DIAPH3: variants seen among roughly 807,000 people sequenced by gnomAD.
DIAPH3 encodes the protein protein diaphanous homolog 3.
In DIAPH3, 117 loss-of-function variants were observed where a neutral mutation model predicts 144.3. That is an observed-to-expected ratio of 0.81 (90% CI 0.70 to 0.95). The LOEUF is 0.95. Ranked by LOEUF, DIAPH3 falls within the 40% of genes least tolerant of loss-of-function variation. The pLI, the probability that DIAPH3 is intolerant of heterozygous loss-of-function variation, is 0.00. For synonymous variants in DIAPH3, 519 were observed against 488.9 expected, an observed-to-expected ratio of 1.06 and a Z score of -0.81; for missense variants, 1,421 against 1,412.7, an observed-to-expected ratio of 1.01 and a Z score of -0.09.
Position 59,850,112 on chromosome 13 carries a change from C to G in DIAPH3, c.2738-10664G>C, listed in dbSNP as rs1408947197. ...ATGGGAGTTCACTCATGATTTGGCT[C>G]TCTGTTTGTCTGTTGTTGGTGTATA... On this transcript the variant is annotated intron_variant, in intron 22 of 27. Transcript: ENST00000400324. 2.0e-5 allele frequency among the ~76,000 whole-genome samples: 3 copies of G among 151,476 alleles called. No individual in the cohort carries two copies. The East Asian group carries it at 5.8e-4, about 30-fold the overall frequency.
intron 5 of DIAPH3, among the ~76,000 whole-genome samples, chr13:60,019,253 T>G (rs1316654500): frequency 1.3e-5 from 2 of 152,184 alleles, no homozygotes; most frequent in Non-Finnish European, 2.9e-5. Context: ...AATGATTAAT[T>G]TCCACGAACT....
chr13:59,895,535 A>G (rs1350817121), intron 20 of DIAPH3, among the ~76,000 whole-genome samples: 1 of 152,172 alleles, frequency 6.6e-6, no homozygotes, highest in Non-Finnish European at 1.5e-5. Flanking sequence ...ATACAAAATA[A>G]AAATATAAGA....
chr13:59,678,843 G>C (rs551414086), intron 27 of DIAPH3, among the ~76,000 whole-genome samples: 17 of 152,210 alleles, frequency 1.1e-4, no homozygotes, highest in African/African-American at 4.1e-4. Flanking sequence ...TATGACATGA[G>C]TTAATATAGC....
intron 27 of DIAPH3, among the ~76,000 whole-genome samples, chr13:59,673,812 T>C (rs747455494): frequency 1.3e-5 from 2 of 152,220 alleles, no homozygotes; most frequent in African/African-American, 4.8e-5. Flanking sequence ...GGTAATCCTC[T>C]GTGCATCCTT....
intron 27 of DIAPH3, among the ~76,000 whole-genome samples, chr13:59,708,529 C>T (rs960351153): frequency 6.6e-6 from 1 of 152,302 alleles, no homozygotes; most frequent in Non-Finnish European, 1.5e-5. Context: ...ACAGTTGTCA[C>T]TCTCTGCTAC....
intron 22 of DIAPH3, among the ~76,000 whole-genome samples, chr13:59,845,479 A>C (rs184962311): frequency 6.6e-6 from 1 of 152,168 alleles, no homozygotes; most frequent in Non-Finnish European, 1.5e-5. Flanking sequence ...TTTCCTGTTC[A>C]ATGCATGTCA....
At chr13:59,746,649 T>A (rs936696656) in intron 27 of DIAPH3, among the ~76,000 whole-genome samples, 1 of 152,198 alleles carries the variant, frequency 6.6e-6, no homozygotes, top group Non-Finnish European at 1.5e-5. Context: ...ATCAGAGACA[T>A]TTCAGCTACA....
Position 59,665,712 on chromosome 13 carries a change from T to C in DIAPH3, c.*872A>G, listed in dbSNP as rs949072301. 6.5e-6 allele frequency: 1 copy of C among 152,688 alleles called. No individual in the cohort carries two copies. Among genetic ancestry groups the C allele is most frequent in the Non-Finnish European group, 1.5e-5 (1 of 68,038 alleles). 9.5% of individuals were successfully genotyped at this position (152,688 alleles called of 1,614,324 possible). A position where few individuals can be genotyped will look rare whatever the true frequency, so the allele number is the denominator to read the frequency against. On this transcript the variant is annotated 3_prime_UTR_variant, in exon 28 of 28. Transcript: ENST00000400324. ...TCCTTGAAACACTTATTTAGATCTT[T>C]GTTAAAGTTATTGATTGTCAGATCA...
At chr13:59,753,900 A>T (rs1252400316) in intron 27 of DIAPH3, among the ~76,000 whole-genome samples, 1 of 152,196 alleles carries the variant, frequency 6.6e-6, no homozygotes, top group African/African-American at 2.4e-5. Context: ...TTTTAAGTAA[A>T]TCAAAGAACA....
At chr13:59,985,880 T>A (rs1443101271) in intron 12 of DIAPH3, among the ~76,000 whole-genome samples, 1 of 37,450 alleles carries the variant, frequency 2.7e-5, no homozygotes, top group Non-Finnish European at 5.0e-5. Context: ...ATCAATATCG[T>A]GAAAATGGCC....
chr13:59,731,988 G>A (rs2035911907), intron 27 of DIAPH3, among the ~76,000 whole-genome samples: 1 of 152,108 alleles, frequency 6.6e-6, no homozygotes, highest in South Asian at 2.1e-4. Flanking sequence ...GCTAAACTAT[G>A]CTGAATCTTT....
chr13:60,142,115 C>T (rs551886248), intron 1 of DIAPH3, among the ~76,000 whole-genome samples: 4 of 152,290 alleles, frequency 2.6e-5, no homozygotes, highest in South Asian at 2.1e-4. Context: ...ATTTCAAAGA[C>T]GTGGGCTTTT....
chr13:59,723,959 T>TAAAAAA (rs144643410), intron 27 of DIAPH3, among the ~76,000 whole-genome samples: 2 of 133,792 alleles, frequency 1.5e-5, no homozygotes. Flanking sequence ...TGTTAAAAGT[T>TAAAAAA]AAAAAAAAAA....
At chr13:59,741,370 T>C (rs542405610) in intron 27 of DIAPH3, among the ~76,000 whole-genome samples, 1 of 152,128 alleles carries the variant, frequency 6.6e-6, no homozygotes, top group East Asian at 1.9e-4. Flanking sequence ...CATAGGTGAG[T>C]TTCTCATATT....
At chr13:59,922,884 G>T (rs911485417) in intron 18 of DIAPH3, among the ~76,000 whole-genome samples, 2 of 152,064 alleles carry the variant, frequency 1.3e-5, no homozygotes, top group Non-Finnish European at 2.9e-5. Flanking sequence ...AAAAGGAACA[G>T]ATATACATTA....
chr13:59,940,664 G>C (rs540736027), intron 17 of DIAPH3, among the ~76,000 whole-genome samples: 8 of 151,924 alleles, frequency 5.3e-5, no homozygotes, highest in African/African-American at 1.9e-4. Context: ...ATGGACAGTG[G>C]GATATTATCT....
In DIAPH3 at chr13:60,010,656, C is replaced by A. The variant is rs1196354445; in HGVS notation, c.785G>T (p.Arg262Ile). Residue 262 changes from arginine (R) to isoleucine (I), a missense_variant, in exon 8 of 28, where the codon AGA becomes ATA. Arg to Ile is a moderately conservative substitution (Grantham distance 97, BLOSUM62 -3). Transcript: ENST00000400324. ...ALMNTQYGLERIMSEERSLSL... is the reference protein window; with the variant it reads ...ALMNTQYGLEIIMSEERSLSL... ...AAGGCTCCTCTCCTCACTCATAATTCTTTCCAAGCCATACTATAATATTTT... is the reference window on the plus strand; with the variant it reads ...AAGGCTCCTCTCCTCACTCATAATTATTTCCAAGCCATACTATAATATTTT... The A allele has an allele frequency of 2.7e-5, 44 of 1,613,336 alleles. No individual in the cohort carries two copies. Among genetic ancestry groups the A allele is most frequent in the Non-Finnish European group, 3.6e-5 (42 of 1,179,702 alleles).
At chr13:59,876,922 C>T (rs571376230) in intron 21 of DIAPH3, among the ~76,000 whole-genome samples, 1 of 152,066 alleles carries the variant, frequency 6.6e-6, no homozygotes, top group South Asian at 2.1e-4. Context: ...TTCTTGCTTG[C>T]CTCCTTCTCC....
At chr13:60,106,754 C>T (rs1474030998) in intron 3 of DIAPH3, among the ~76,000 whole-genome samples, 1 of 151,866 alleles carries the variant, frequency 6.6e-6, no homozygotes, top group East Asian at 1.9e-4. Context: ...AGCAAAGGGC[C>T]AATAAGCATG....
Sources: gnomAD v4.1 joint callset for allele counts (sites outside exome capture counted in the v4.1 genomes callset) on GRCh38, gnomAD v4.1.1 for gene constraint, MANE v1.5 for transcripts, NCBI Gene and HGNC (gene_info 2026-07-23, HGNC 2026-07-21) for gene names.